RBMS3: variants seen among roughly 807,000 people sequenced by gnomAD.
RBMS3 encodes RNA-binding motif, single-stranded-interacting protein 3.
In RBMS3, 27 loss-of-function variants were observed where a neutral mutation model predicts 66.8. That is an observed-to-expected ratio of 0.40 (90% CI 0.30 to 0.56). The LOEUF (loss-of-function observed/expected upper bound fraction) is 0.56, where lower values mean the gene tolerates loss of function less well. RBMS3 is among the 20% of genes least tolerant of loss of function. RBMS3 has a pLI of 0.40. For missense variants in RBMS3, 513 were observed against 549.5 expected, an observed-to-expected ratio of 0.93 and a Z score of 0.66; for synonymous variants, 188 against 183.0, an observed-to-expected ratio of 1.03 and a Z score of -0.22.
chr3:29,873,677 G>A (rs896347820), intron 7 of RBMS3, among the ~76,000 whole-genome samples: 6 of 152,238 alleles, frequency 3.9e-5, no homozygotes, highest in African/African-American at 9.6e-5. Flanking sequence ...TTTTTGAGAC[G>A]AATGCTTCTG....
At chr3:29,955,754 T>TTGGGAATCA (rs1039000461) in intron 12 of RBMS3, among the ~76,000 whole-genome samples, 2 of 152,076 alleles carry the variant, frequency 1.3e-5, no homozygotes, top group African/African-American at 4.8e-5. Context: ...TCCTTCCATA[T>TTGGGAATCA]TGGGAATCAT....
intron 1 of RBMS3, among the ~76,000 whole-genome samples, chr3:29,282,729 C>G (rs1398845423): frequency 6.6e-6 from 1 of 152,020 alleles, no homozygotes; most frequent in Non-Finnish European, 1.5e-5. Flanking sequence ...TCCACCGTCT[C>G]CTTAATAAAT....
intron 1 of RBMS3, among the ~76,000 whole-genome samples, chr3:29,355,288 A>T (rs557275948): frequency 6.6e-6 from 1 of 151,970 alleles, no homozygotes; most frequent in South Asian, 2.1e-4. Flanking sequence ...TGTCTCTATA[A>T]GATCCCTTTT....
intron 6 of RBMS3, among the ~76,000 whole-genome samples, chr3:29,815,325 T>C (rs1292905453): frequency 6.6e-6 from 1 of 152,190 alleles, no homozygotes; most frequent in Non-Finnish European, 1.5e-5. Context: ...CAATTATTAT[T>C]TATAGTCACC....
chr3:29,964,875 C>G (rs1289433215), intron 12 of RBMS3, among the ~76,000 whole-genome samples: 1 of 152,104 alleles, frequency 6.6e-6, no homozygotes, highest in East Asian at 1.9e-4. Flanking sequence ...ACTCCCCTCC[C>G]ACTCTTCCCC....
intron 10 of RBMS3, among the ~76,000 whole-genome samples, chr3:29,910,732 A>G (rs2060493301): frequency 6.6e-6 from 1 of 150,960 alleles, no homozygotes; most frequent in South Asian, 2.1e-4. Flanking sequence ...GTTAATGGAG[A>G]GAAAGGGAAA....
intron 6 of RBMS3, among the ~76,000 whole-genome samples, chr3:29,849,208 G>A (rs2058868588): frequency 7.0e-6 from 1 of 142,504 alleles, no homozygotes; most frequent in Admixed American, 7.1e-5. Flanking sequence ...GTGTGTGTGT[G>A]TATTTCACAT....
intron 14 of RBMS3, among the ~76,000 whole-genome samples, chr3:29,995,558 C>T (rs1396385682): frequency 5.4e-5 from 8 of 148,630 alleles, no homozygotes; most frequent in Admixed American, 2.7e-4. Context: ...AGACTAACAG[C>T]GGATCTCTCA....
At chr3:29,475,903 A>G (rs1417035265) in intron 2 of RBMS3, among the ~76,000 whole-genome samples, 1 of 152,212 alleles carries the variant, frequency 6.6e-6, no homozygotes, top group East Asian at 1.9e-4. Flanking sequence ...AAAAAGATCT[A>G]TAAGACAACA....
At chr3:29,360,259 T>C (rs1488161577) in intron 1 of RBMS3, among the ~76,000 whole-genome samples, 8 of 152,032 alleles carry the variant, frequency 5.3e-5, no homozygotes, top group Admixed American at 3.9e-4. Flanking sequence ...TTTGTTCTCG[T>C]TGGTTTCAAA....
chr3:29,565,974 G>T (rs548685080), intron 3 of RBMS3, among the ~76,000 whole-genome samples: 1 of 152,214 alleles, frequency 6.6e-6, no homozygotes, highest in Non-Finnish European at 1.5e-5. Context: ...AGAGAGGCAA[G>T]GAATTGTGTA....
chr3:29,488,555 T>A lies in RBMS3; in HGVS notation c.307+56T>A, dbSNP rs564827067. The stretch of plus-strand genomic sequence containing the variant: ...CTTGCCTATGCTATCTGATTAATGG[T>A]TCTTCCATTGTGGAGGTCCAGGTAC... On this transcript the variant is annotated intron_variant, in intron 3 of 14. Coordinates refer to ENST00000383767, the MANE Select transcript of RBMS3 (RefSeq NM_001003793.3). The A allele has an allele frequency of 2.2e-5, 33 of 1,482,512 alleles. No individual in the cohort carries two copies. The East Asian group carries it at 7.5e-4, about 34-fold the overall frequency. The allele number at this position is 1,482,512 out of a possible 1,614,324, so 91.8% of individuals were successfully genotyped here.
At chr3:29,415,927 G>C (rs1174443066) in intron 1 of RBMS3, among the ~76,000 whole-genome samples, 1 of 152,190 alleles carries the variant, frequency 6.6e-6, no homozygotes, top group Non-Finnish European at 1.5e-5. Flanking sequence ...CCTTCAGCAT[G>C]TAGAGCCATC....
intron 5 of RBMS3, among the ~76,000 whole-genome samples, chr3:29,754,735 C>T (rs1386064144): frequency 1.3e-5 from 2 of 152,166 alleles, no homozygotes; most frequent in Admixed American, 1.3e-4. Flanking sequence ...GCAATAGTTA[C>T]AAGTGGGTCT....
intron 4 of RBMS3, among the ~76,000 whole-genome samples, chr3:29,694,451 A>G (rs912101257): frequency 2.0e-5 from 3 of 152,296 alleles, no homozygotes; most frequent in Non-Finnish European, 4.4e-5. Flanking sequence ...AAAATATTTC[A>G]TAGGGCTGTC....
At chr3:29,296,879 CT>C (rs11400570) in intron 1 of RBMS3, among the ~76,000 whole-genome samples, 45 of 146,902 alleles carry the variant, frequency 3.1e-4, no homozygotes, top group South Asian at 6.5e-4. Context: ...AAAAGATGAC[CT>C]TTTTTTTTTT....
At chr3:29,745,250 T>TA (rs886770965) in intron 5 of RBMS3, among the ~76,000 whole-genome samples, 50 of 151,084 alleles carry the variant, frequency 3.3e-4, no homozygotes, top group Non-Finnish European at 5.3e-4. Context: ...GTGTGTGTGT[T>TA]TTTTTTTACT....
intron 12 of RBMS3, among the ~76,000 whole-genome samples, chr3:29,974,034 A>G (rs1352612939): frequency 6.6e-6 from 1 of 151,868 alleles, no homozygotes; most frequent in South Asian, 2.1e-4. Flanking sequence ...CTTGGATCTC[A>G]CTTGTATTCC....
At chr3:29,604,697 T>C (rs533294880) in intron 4 of RBMS3, among the ~76,000 whole-genome samples, 1 of 152,130 alleles carries the variant, frequency 6.6e-6, no homozygotes, top group Non-Finnish European at 1.5e-5. Context: ...GGAAACCATA[T>C]ATGATTATGC....
Sources: gnomAD v4.1 joint callset for allele counts (sites outside exome capture counted in the v4.1 genomes callset) on GRCh38, gnomAD v4.1.1 for gene constraint, MANE v1.5 for transcripts, NCBI Gene and HGNC (gene_info 2026-07-23, HGNC 2026-07-21) for gene names.